The following ASTN1 variants were observed in gnomAD, a reference collection of about 807,000 sequenced individuals.
ASTN1 encodes astrotactin-1.
In ASTN1, 41 loss-of-function variants were observed where a neutral mutation model predicts 140.7. The observed-to-expected ratio is 0.29, with a 90% CI of 0.23 to 0.38. The LOEUF is 0.38. ASTN1 is among the 10% of genes least tolerant of loss of function. The probability of loss-of-function intolerance (pLI) is 1.00; values close to 1 mark genes in which losing one functional copy is unlikely to be tolerated. For synonymous variants in ASTN1, 640 were observed against 652.2 expected (o/e 0.98, Z 0.29); for missense variants, 1,479 against 1,678.8 (o/e 0.88, Z 2.08).
chr1:176,882,316 T>C (rs74127252), intron 20 of ASTN1, among the ~76,000 whole-genome samples: 2,152 of 152,342 alleles, frequency 0.014, 47 homozygotes, highest in African/African-American at 0.049. Flanking sequence ...CTTGGACTTA[T>C]AGCATTCTAT....
At chr1:177,102,632 A>C (rs1680355343) in intron 1 of ASTN1, among the ~76,000 whole-genome samples, 1 of 152,212 alleles carries the variant, frequency 6.6e-6, no homozygotes, top group Non-Finnish European at 1.5e-5. Flanking sequence ...TGGGATAATG[A>C]GGGTGTAAAA....
In ASTN1 at chr1:177,094,122, T is replaced by A. The variant is rs1007351415; in HGVS notation, c.284-32857A>T. 2.0e-5 allele frequency among the ~76,000 whole-genome samples: 3 copies of A among 152,228 alleles called. No individual in the cohort carries two copies. In the East Asian group the frequency reaches 5.8e-4, roughly 29 times the overall value. ...GATCACCATTGTCATTTCAGATTGCTACACAATTACCACAGATTATCTCAT... is the reference window on the plus strand; with the variant it reads ...GATCACCATTGTCATTTCAGATTGCAACACAATTACCACAGATTATCTCAT... On this transcript the variant is annotated intron_variant, in intron 1 of 22. Coordinates refer to ENST00000361833, the MANE Select transcript of ASTN1 (RefSeq NM_004319.3).
At chr1:176,925,677 A>G (rs998187346) in intron 16 of ASTN1, among the ~76,000 whole-genome samples, 1 of 152,162 alleles carries the variant, frequency 6.6e-6, no homozygotes, top group Non-Finnish European at 1.5e-5. Flanking sequence ...ACCTTAGACC[A>G]GTTTCCTGGC....
At chr1:177,076,719 C>T (rs941868341) in intron 1 of ASTN1, among the ~76,000 whole-genome samples, 8 of 152,066 alleles carry the variant, frequency 5.3e-5, no homozygotes, top group African/African-American at 1.4e-4. Context: ...ACGAGTGTTT[C>T]ACCATGTTGA....
chr1:177,030,773 C>A, intron 4 of ASTN1, 33 bp downstream of exon 4: 1 of 1,613,032 alleles, frequency 6.2e-7, no homozygotes, highest in Non-Finnish European at 8.5e-7. Flanking sequence ...ATGAAGGAAT[C>A]CACCCACGAG....
chr1:177,146,151 G>C (rs1682711326), intron 1 of ASTN1, among the ~76,000 whole-genome samples: 1 of 152,028 alleles, frequency 6.6e-6, no homozygotes, highest in Non-Finnish European at 1.5e-5. Flanking sequence ...CAATAACAGT[G>C]TCCAACTTTT....
At chr1:176,981,028 A>T (rs1443417546) in intron 8 of ASTN1, among the ~76,000 whole-genome samples, 1 of 151,954 alleles carries the variant, frequency 6.6e-6, no homozygotes, top group South Asian at 2.1e-4. Flanking sequence ...CCTGGCCAAC[A>T]TGGTGAAACC....
chr1:177,155,509 G>A (rs1475628777), intron 1 of ASTN1, among the ~76,000 whole-genome samples: 1 of 152,168 alleles, frequency 6.6e-6, no homozygotes, highest in East Asian at 1.9e-4. Context: ...TAATCTGCAA[G>A]ACTAAAGACA....
intron 1 of ASTN1, among the ~76,000 whole-genome samples, chr1:177,156,371 G>A (rs1230222926): frequency 6.6e-6 from 1 of 151,540 alleles, no homozygotes; most frequent in Non-Finnish European, 1.5e-5. Context: ...CCCTGGAGAA[G>A]CTTGTAGTGA....
rs967169533 is a variant in ASTN1, at chr1:177,122,759, T to C, written c.283+41635A>G. ...ACACACGGCCTTCCTGCAAGAGAGG[T>C]GACAGGAATTATCCTCCTTATTTCA... On this transcript the variant is annotated intron_variant, in intron 1 of 22. Transcript: ENST00000361833. Among the ~76,000 whole-genome samples, 3 of 151,968 alleles carry C rather than the reference T, an allele frequency of 2.0e-5. 1 individual carries two copies. Among genetic ancestry groups the C allele is most frequent in the Non-Finnish European group, 4.4e-5 (3 of 68,000 alleles).
At chr1:177,161,961 G>A (rs1460152098) in intron 1 of ASTN1, among the ~76,000 whole-genome samples, 1 of 152,138 alleles carries the variant, frequency 6.6e-6, no homozygotes, top group African/African-American at 2.4e-5. Context: ...TTGAGGGCAA[G>A]AGACTTTTTT....
chr1:177,122,186 C>T (rs1681425742), intron 1 of ASTN1, among the ~76,000 whole-genome samples: 1 of 152,104 alleles, frequency 6.6e-6, no homozygotes, highest in African/African-American at 2.4e-5. Context: ...CGAGGGTAAA[C>T]TTTGTGTTGC....
At chr1:177,160,777 G>A (rs1647311467) in intron 1 of ASTN1, among the ~76,000 whole-genome samples, 1 of 152,210 alleles carries the variant, frequency 6.6e-6, no homozygotes, top group African/African-American at 2.4e-5. Context: ...TAAGGCTCAT[G>A]TGCCTAAATA....
At chr1:176,995,296 C>A (rs981719881) in intron 8 of ASTN1, among the ~76,000 whole-genome samples, 1 of 152,140 alleles carries the variant, frequency 6.6e-6, no homozygotes, top group African/African-American at 2.4e-5. Flanking sequence ...GTTATCAGAT[C>A]ATTATAATCA....
At position 177,023,500 on chromosome 1, in the gene ASTN1, G is replaced by C. The variant is rs759991295; in HGVS notation, c.1342C>G (p.Leu448Val). 1.2e-6 allele frequency: 2 copies of C among 1,612,516 alleles called. No individual in the cohort carries two copies. Among genetic ancestry groups the C allele is most frequent in the Non-Finnish European group, 1.7e-6 (2 of 1,179,404 alleles). Residue 448 changes from leucine (L) to valine (V), a missense_variant, in exon 7 of 23, where the codon CTC (leucine) becomes GTC (valine). This residue lies in a region of ASTN1 where 729 missense variants were observed against 860.4 expected (regional missense o/e 0.85). Coordinates refer to ENST00000361833, the MANE Select transcript of ASTN1 (RefSeq NM_004319.3). ...CCGCTGGAGTTCTGCTGAGAGAAGAGAACCACTTGGGCAGGGTTCAGCCAG... is the reference window on the plus strand; with the variant it reads ...CCGCTGGAGTTCTGCTGAGAGAAGACAACCACTTGGGCAGGGTTCAGCCAG... ...SDWLNPAQVV[L>V]FSQQNSSGPW...
chr1:176,961,762 T>G (rs1012973242), intron 9 of ASTN1, among the ~76,000 whole-genome samples: 1 of 152,102 alleles, frequency 6.6e-6, no homozygotes, highest in Non-Finnish European at 1.5e-5. Flanking sequence ...TAAAATCTCA[T>G]CTGTCCCTCA....
chr1:177,157,860 T>C (rs1051188191), intron 1 of ASTN1, among the ~76,000 whole-genome samples: 2 of 152,160 alleles, frequency 1.3e-5, no homozygotes, highest in African/African-American at 2.4e-5. Context: ...AATTGTACTA[T>C]TTTTTTCAGC....
chr1:176,949,425 A>T, intron 11 of ASTN1, 74 bp from the exon 12 acceptor site: 1 of 1,466,564 alleles, frequency 6.8e-7, no homozygotes, highest in Non-Finnish European at 9.2e-7. Context: ...GAGTGTAACC[A>T]CTGACACCAA....
chr1:177,124,298 A>T (rs1190572675), intron 1 of ASTN1, among the ~76,000 whole-genome samples: 2 of 152,174 alleles, frequency 1.3e-5, no homozygotes, highest in African/African-American at 4.8e-5. Flanking sequence ...CATCCTCACA[A>T]GAAGCATCTG....
Sources: gnomAD v4.1 joint callset for allele counts (sites outside exome capture counted in the v4.1 genomes callset) on GRCh38, gnomAD v4.1.1 for gene constraint, gnomAD v4.1.1 regional missense constraint, MANE v1.5 for transcripts, NCBI Gene and HGNC (gene_info 2026-07-23, HGNC 2026-07-21) for gene names.